IL1RAPL2: variants seen among roughly 807,000 people sequenced by gnomAD.
IL1RAPL2 encodes the protein X-linked interleukin-1 receptor accessory protein-like 2.
A neutral mutation model predicts 44.1 loss-of-function variants in IL1RAPL2; 3 were observed. The observed-to-expected ratio is 0.07, with a 90% confidence interval of 0.03 to 0.18. The LOEUF (loss-of-function observed/expected upper bound fraction) is 0.18, where lower values mean the gene tolerates loss of function less well. Among genes scored for constraint, IL1RAPL2 ranks in the 10% least tolerant of loss-of-function variants. The probability of loss-of-function intolerance (pLI) is 1.00; values close to 1 mark genes in which losing one functional copy is unlikely to be tolerated. For missense variants in IL1RAPL2, 391 were observed against 496.4 expected, an observed-to-expected ratio of 0.79 and a Z score of 2.02; for synonymous variants, 181 against 178.8, an observed-to-expected ratio of 1.01 and a Z score of -0.10.
intron 6 of IL1RAPL2, among the ~76,000 whole-genome samples, chrX:105,574,206 G>A (rs754986674): frequency 3.6e-5 from 4 of 111,938 alleles, no homozygotes; most frequent in African/African-American, 9.7e-5. Flanking sequence ...TGACTGGGGA[G>A]GATGGCAAAG....
intron 2 of IL1RAPL2, among the ~76,000 whole-genome samples, chrX:104,721,438 C>T (rs1931672800): frequency 9.1e-6 from 1 of 110,302 alleles, no homozygotes; most frequent in South Asian, 3.9e-4. Context: ...AACAGAAAAC[C>T]AGACACCACA....
chrX:105,513,662 G>A (rs28706435), intron 6 of IL1RAPL2, among the ~76,000 whole-genome samples: 88 of 111,382 alleles, frequency 7.9e-4, no homozygotes, highest in Non-Finnish European at 1.5e-3. Flanking sequence ...GTAGATTCAG[G>A]ATATTAGCCC....
intron 6 of IL1RAPL2, among the ~76,000 whole-genome samples, chrX:105,532,593 T>C (rs1039391845): frequency 3.6e-5 from 4 of 111,000 alleles, no homozygotes; most frequent in Non-Finnish European, 1.9e-5. Flanking sequence ...TTTAAATGTA[T>C]GTATTTAAAT....
intron 5 of IL1RAPL2, among the ~76,000 whole-genome samples, chrX:105,360,744 G>A (rs1360554714): frequency 9.0e-6 from 1 of 110,806 alleles, no homozygotes; most frequent in Non-Finnish European, 1.9e-5. Flanking sequence ...GCATGTTTGA[G>A]AGCCACCAAG....
intron 5 of IL1RAPL2, among the ~76,000 whole-genome samples, chrX:105,358,687 C>A (rs868152020): frequency 2.3e-4 from 20 of 85,435 alleles, no homozygotes; most frequent in Admixed American, 4.2e-4. Context: ...AAAAAAAAAA[C>A]ACAACAACAA....
intron 6 of IL1RAPL2, among the ~76,000 whole-genome samples, chrX:105,499,362 G>A (rs1428984309): frequency 9.1e-6 from 1 of 110,251 alleles, no homozygotes; most frequent in Non-Finnish European, 1.9e-5. Context: ...CAAAAGTATA[G>A]GCAACAGAAG....
intron 5 of IL1RAPL2, among the ~76,000 whole-genome samples, chrX:105,346,488 A>T (rs1348557482): frequency 8.9e-6 from 1 of 112,418 alleles, no homozygotes; most frequent in Non-Finnish European, 1.9e-5. Flanking sequence ...TCTATCAGAA[A>T]ATAAATCACC....
intron 5 of IL1RAPL2, among the ~76,000 whole-genome samples, chrX:105,314,808 A>G (rs1186708129): frequency 9.0e-6 from 1 of 111,502 alleles, no homozygotes; most frequent in Non-Finnish European, 1.9e-5. Flanking sequence ...GGAGGGCATG[A>G]AAGTATCTAA....
intron 6 of IL1RAPL2, among the ~76,000 whole-genome samples, chrX:105,582,390 T>A (rs2037095267): frequency 9.0e-6 from 1 of 111,537 alleles, no homozygotes; most frequent in Non-Finnish European, 1.9e-5. Flanking sequence ...TTGCATTGAA[T>A]CTATAGATCC....
intron 4 of IL1RAPL2, among the ~76,000 whole-genome samples, chrX:105,264,646 C>T (rs2034387791): frequency 9.0e-6 from 1 of 111,663 alleles, no homozygotes; most frequent in African/African-American, 3.3e-5. Context: ...GTTGTATGAC[C>T]ACTCCTTATG....
At chrX:105,133,368 G>A (rs1405446710) in intron 2 of IL1RAPL2, among the ~76,000 whole-genome samples, 1 of 111,171 alleles carries the variant, frequency 9.0e-6, no homozygotes. Flanking sequence ...GCAGATAAAT[G>A]TACTTGCAAC....
chrX:104,875,536 T>A (rs1318447459), intron 2 of IL1RAPL2, among the ~76,000 whole-genome samples: 1 of 111,557 alleles, frequency 9.0e-6, no homozygotes, highest in South Asian at 3.8e-4. Flanking sequence ...AGAGATTAAG[T>A]TTCTCTAGGA....
chrX:105,132,289 A>G (rs908785361), intron 2 of IL1RAPL2, among the ~76,000 whole-genome samples: 1 of 111,002 alleles, frequency 9.0e-6, no homozygotes, highest in East Asian at 2.8e-4. Context: ...TAAAAAAAAC[A>G]CAGTTGGAAA....
At chrX:104,678,817 C>T (rs921335856) in intron 2 of IL1RAPL2, among the ~76,000 whole-genome samples, 4 of 110,591 alleles carry the variant, frequency 3.6e-5, no homozygotes, top group Non-Finnish European at 7.6e-5. Flanking sequence ...CCCATGGGGC[C>T]TGTTGGGGGA....
intron 2 of IL1RAPL2, among the ~76,000 whole-genome samples, chrX:104,967,505 C>A (rs756756508): frequency 1.1e-5 from 1 of 92,698 alleles, no homozygotes; most frequent in African/African-American, 3.9e-5. Context: ...AGCAAAAGAA[C>A]AAAATAAACA....
At chrX:105,103,861 T>TA in intron 2 of IL1RAPL2, among the ~76,000 whole-genome samples, 1 of 111,783 alleles carries the variant, frequency 8.9e-6, no homozygotes, top group African/African-American at 3.3e-5. Flanking sequence ...GTGCTGAGGG[T>TA]AAGCTGAAGA....
intron 6 of IL1RAPL2, among the ~76,000 whole-genome samples, chrX:105,665,929 A>AT (rs1241413992): frequency 2.2e-4 from 23 of 106,154 alleles, no homozygotes; most frequent in Non-Finnish European, 1.7e-4. Context: ...CGCCCGGCTA[A>AT]TTTTTTGTAT....
At chrX:105,448,429 A>G (rs1453277503) in intron 5 of IL1RAPL2, among the ~76,000 whole-genome samples, 1 of 108,412 alleles carries the variant, frequency 9.2e-6, no homozygotes, top group Non-Finnish European at 1.9e-5. Flanking sequence ...CGATGGTGCA[A>G]TCTTGCCTTA....
chrX:104,790,577 CA>C (rs1932820366), intron 2 of IL1RAPL2, among the ~76,000 whole-genome samples: 1 of 104,179 alleles, frequency 9.6e-6, no homozygotes, highest in African/African-American at 4.0e-5. Context: ...ATTTGTGAAA[CA>C]TTTTTTTTTT....
Sources: gnomAD v4.1 joint callset for allele counts (sites outside exome capture counted in the v4.1 genomes callset) on GRCh38, gnomAD v4.1.1 for gene constraint, MANE v1.5 for transcripts, NCBI Gene and HGNC (gene_info 2026-07-23, HGNC 2026-07-21) for gene names.